VRK1: variants seen among roughly 807,000 people sequenced by gnomAD.
The protein encoded by VRK1 is VRK serine/threonine kinase 1, also known as serine/threonine-protein kinase VRK1.
A neutral mutation model predicts 57.1 loss-of-function variants in VRK1; 33 were observed. The ratio of observed to expected loss-of-function variants is 0.58; its 90% confidence interval spans 0.44 to 0.77. The LOEUF is 0.77. Among genes scored for constraint, VRK1 ranks in the 30% least tolerant of loss-of-function variants. The pLI, the probability that VRK1 is intolerant of heterozygous loss-of-function variation, is 0.00. For synonymous variants in VRK1, 137 were observed against 147.8 expected (o/e 0.93, Z 0.53); for missense variants, 413 against 477.3 (o/e 0.87, Z 1.25).
At chr14:96,852,635 A>G (rs901509363) in intron 5 of VRK1, among the ~76,000 whole-genome samples, 196 bp from the exon 6 acceptor site, 1 of 152,202 alleles carries the variant, frequency 6.6e-6, no homozygotes, top group African/African-American at 2.4e-5. Context: ...CTCCAGGTAA[A>G]AAGCAGGACC....
chr14:96,881,191 AAG>A lies in VRK1; in HGVS notation c.1179_1180del (p.Arg393SerfsTer9), dbSNP rs753306230. 11 of 1,605,890 alleles carry A rather than the reference AAG, an allele frequency of 6.8e-6. No individual in the cohort carries two copies. The highest frequency in any genetic ancestry group is 1.7e-5 in the Admixed American group (1 of 59,372). ...EAIQTRSRTR[K>X]RVQK ...TTTTCTTCAAGGTTCAAGAACCAGA[AAG>A]AGAGTCCAGAAGTAATTCAGATGCT... On this transcript the variant is annotated frameshift_variant, in exon 13 of 13. Transcript: ENST00000216639. LOFTEE classifies it high-confidence loss of function.
At chr14:96,825,039 A>C (rs980857860) in intron 1 of VRK1, among the ~76,000 whole-genome samples, 2 of 152,188 alleles carry the variant, frequency 1.3e-5, no homozygotes. Context: ...CATTGAATAT[A>C]TTAGAGAAGG....
intron 1 of VRK1, among the ~76,000 whole-genome samples, chr14:96,819,520 A>C (rs1477410754): frequency 6.6e-6 from 1 of 152,176 alleles, no homozygotes; most frequent in Non-Finnish European, 1.5e-5. Flanking sequence ...ACTGATAATT[A>C]GGTTGGTGCA....
chr14:96,860,451 A>G, intron 10 of VRK1, 106 bp from the exon 11 acceptor site: 1 of 1,094,556 alleles, frequency 9.1e-7, no homozygotes, highest in South Asian at 1.6e-5. Context: ...GTATCTTAAC[A>G]AGATGTGTAT....
intron 3 of VRK1, among the ~76,000 whole-genome samples, chr14:96,840,489 A>G (rs1887413051): frequency 6.6e-6 from 1 of 152,200 alleles, no homozygotes; most frequent in Non-Finnish European, 1.5e-5. Flanking sequence ...TTTATGGAAT[A>G]GCATTCTTTT....
At chr14:96,854,169 C>T (rs369746448) in intron 7 of VRK1, among the ~76,000 whole-genome samples, 3 of 152,204 alleles carry the variant, frequency 2.0e-5, no homozygotes, top group African/African-American at 4.8e-5. Flanking sequence ...CATCTCTGCT[C>T]TTTCTAGCCA....
At chr14:96,836,772 A>AC (rs1298307688) in intron 2 of VRK1, among the ~76,000 whole-genome samples, 3 of 151,956 alleles carry the variant, frequency 2.0e-5, no homozygotes, top group Non-Finnish European at 4.4e-5. Context: ...CAGGTGATCC[A>AC]CCTGCGTTGA....
intron 5 of VRK1, among the ~76,000 whole-genome samples, chr14:96,847,614 A>G (rs78676162): frequency 0.01 from 1,593 of 151,932 alleles, 22 homozygotes; most frequent in African/African-American, 0.031. Flanking sequence ...CCAACTGACA[A>G]GGAGGAACAA....
chr14:96,851,284 G>T (rs1330117867), intron 5 of VRK1, among the ~76,000 whole-genome samples: 2 of 152,092 alleles, frequency 1.3e-5, no homozygotes, highest in East Asian at 3.9e-4. Flanking sequence ...GGAATTACAG[G>T]TTCCTGCCAC....
chr14:96,878,467 A>G (rs1031153845), intron 12 of VRK1, among the ~76,000 whole-genome samples: 7 of 152,210 alleles, frequency 4.6e-5, no homozygotes, highest in Non-Finnish European at 1.5e-5. Flanking sequence ...ACAATTTATG[A>G]TTTACAGTAT....
rs1359501834 is a variant in VRK1, at chr14:96,808,694, G to A, written c.-6+11247G>A. ...TTTTTTTGCTTGACTTCTTTTACTC[G>A]ATGTTGTGTCTGAGATTCATTCATG... On this transcript the variant is annotated intron_variant, in intron 1 of 12. Coordinates refer to ENST00000216639, the MANE Select transcript of VRK1 (RefSeq NM_003384.3). Among the ~76,000 whole-genome samples, 3 of 144,574 alleles carry A rather than the reference G, an allele frequency of 2.1e-5. No individual in the cohort carries two copies. The South Asian group carries it at 6.5e-4, about 31-fold the overall frequency. 94.8% of individuals were successfully genotyped at this position (144,574 alleles called of 152,430 possible).
At chr14:96,846,031 G>T (rs1267180107) in intron 3 of VRK1, 64 bp from the exon 4 acceptor site, 37 of 1,404,162 alleles carry the variant, frequency 2.6e-5, no homozygotes, top group Non-Finnish European at 2.0e-6. Flanking sequence ...TTTTTTGAAG[G>T]TTCATTGAAA....
intron 1 of VRK1, among the ~76,000 whole-genome samples, chr14:96,824,579 A>G (rs1322247741): frequency 6.6e-6 from 1 of 152,078 alleles, no homozygotes; most frequent in Non-Finnish European, 1.5e-5. Context: ...ACAGACGATT[A>G]TTGAAATGGC....
At chr14:96,822,050 T>C (rs1007298292) in intron 1 of VRK1, among the ~76,000 whole-genome samples, 1 of 149,628 alleles carries the variant, frequency 6.7e-6, no homozygotes, top group African/African-American at 2.4e-5. Context: ...TAAATTTCAT[T>C]CCCTCCCGCC....
At chr14:96,817,032 CTG>C (rs1886421074) in intron 1 of VRK1, among the ~76,000 whole-genome samples, 1 of 152,082 alleles carries the variant, frequency 6.6e-6, no homozygotes, top group African/African-American at 2.4e-5. Flanking sequence ...GATGTGTTGT[CTG>C]AGGTTTGCTT....
chr14:96,879,006 C>T lies in VRK1; in HGVS notation c.1160-2171C>T, dbSNP rs187066026. Reference sequence around the variant, plus strand: ...TAAGAACCTTGGATTTTGGACCATTCCTGAGGAATCTTTGGAGAAAGCATG... The same window carrying T: ...TAAGAACCTTGGATTTTGGACCATTTCTGAGGAATCTTTGGAGAAAGCATG... On this transcript the variant is annotated intron_variant, in intron 12 of 12. Coordinates refer to ENST00000216639, the MANE Select transcript of VRK1 (RefSeq NM_003384.3). 2.6e-3 allele frequency among the ~76,000 whole-genome samples: 401 copies of T among 152,036 alleles called. 3 individuals are homozygous for T. Among genetic ancestry groups the T allele is most frequent in the Non-Finnish European group, 4.3e-3 (294 of 67,932 alleles).
At chr14:96,856,049 A>G in intron 8 of VRK1, 81 bp from the exon 9 acceptor site, 1 of 1,506,114 alleles carries the variant, frequency 6.6e-7, no homozygotes, top group Admixed American at 1.7e-5. Context: ...GACTTGTTTT[A>G]TGTTATTACT....
At chr14:96,855,152 T>C (rs1888101268) in intron 7 of VRK1, 72 bp from the exon 8 acceptor site, 8 of 1,611,104 alleles carry the variant, frequency 5.0e-6, no homozygotes, top group Non-Finnish European at 6.8e-6. Flanking sequence ...CAGTATTTTG[T>C]TTCTGTGCTT....
intron 11 of VRK1, among the ~76,000 whole-genome samples, chr14:96,864,164 G>A (rs1447013222): frequency 6.6e-6 from 1 of 151,962 alleles, no homozygotes; most frequent in African/African-American, 2.4e-5. Flanking sequence ...TTTTCTTTAG[G>A]TCTGTTATTG....
Sources: gnomAD v4.1 joint callset for allele counts (sites outside exome capture counted in the v4.1 genomes callset) on GRCh38, gnomAD v4.1.1 for gene constraint, MANE v1.5 for transcripts, NCBI Gene and HGNC (gene_info 2026-07-23, HGNC 2026-07-21) for gene names.